NFATC3: variants seen among roughly 807,000 people sequenced by gnomAD.
The protein encoded by NFATC3 is nuclear factor of activated T cells 3, also known as nuclear factor of activated T-cells, cytoplasmic 3.
A neutral mutation model predicts 98.6 loss-of-function variants in NFATC3; 46 were observed. That is an observed-to-expected ratio of 0.47 (90% CI 0.37 to 0.60). The LOEUF (loss-of-function observed/expected upper bound fraction) is 0.60, where lower values mean the gene tolerates loss of function less well. NFATC3 is among the 20% of genes least tolerant of loss of function. The probability of loss-of-function intolerance (pLI) is 0.00; values close to 1 mark genes in which losing one functional copy is unlikely to be tolerated. For missense variants in NFATC3, 1,256 were observed against 1,295.5 expected, an observed-to-expected ratio of 0.97 and a Z score of 0.47; for synonymous variants, 512 against 472.2, an observed-to-expected ratio of 1.08 and a Z score of -1.09.
chr16:68,095,664 C>G (rs1219803597), intron 1 of NFATC3, among the ~76,000 whole-genome samples: 1 of 152,104 alleles, frequency 6.6e-6, no homozygotes, highest in Non-Finnish European at 1.5e-5. Context: ...AGTTGAGGGA[C>G]TTTATAATGT....
At chr16:68,205,218 TG>T (rs897096341) in intron 9 of NFATC3, among the ~76,000 whole-genome samples, 1 of 152,156 alleles carries the variant, frequency 6.6e-6, no homozygotes, top group Non-Finnish European at 1.5e-5. Context: ...TTATGTAGAA[TG>T]GGAATTTTAA....
intron 6 of NFATC3, among the ~76,000 whole-genome samples, chr16:68,177,293 C>T (rs981064360): frequency 2.6e-5 from 4 of 152,040 alleles, no homozygotes; most frequent in Non-Finnish European, 5.9e-5. Flanking sequence ...TCAGGTGATC[C>T]GCCCGTCTTG....
intron 3 of NFATC3, among the ~76,000 whole-genome samples, chr16:68,149,198 G>A (rs779243442): frequency 2.6e-5 from 4 of 151,948 alleles, no homozygotes; most frequent in African/African-American, 9.7e-5. Flanking sequence ...GGGTGGGGGC[G>A]GAAGGGAAGG....
At chr16:68,192,996 C>CCGAA (rs2040509428) in intron 9 of NFATC3, among the ~76,000 whole-genome samples, 1 of 152,120 alleles carries the variant, frequency 6.6e-6, no homozygotes, top group Non-Finnish European at 1.5e-5. Context: ...TGCATGGGTT[C>CCGAA]CACACCTTGG....
In NFATC3 at chr16:68,101,630, C is replaced by T. The variant is rs565153916; in HGVS notation, c.103+15846C>T. Among the ~76,000 whole-genome samples the T allele has an allele frequency of 4.9e-3, 744 of 152,082 alleles. 3 individuals carry two copies. Among genetic ancestry groups the T allele is most frequent in the Non-Finnish European group, 7.8e-3 (531 of 67,990 alleles). On this transcript the variant is annotated intron_variant, in intron 1 of 9. Coordinates refer to ENST00000346183, the MANE Select transcript of NFATC3 (RefSeq NM_173165.3). ...TCCCAAGTAGCTGGGACTACAGGCG[C>T]CTGCCACCACGCCTGGCTAATTTTT...
At chr16:68,143,207 G>A (rs2037848346) in intron 3 of NFATC3, among the ~76,000 whole-genome samples, 1 of 107,348 alleles carries the variant, frequency 9.3e-6, no homozygotes. Flanking sequence ...GCAAGACCAT[G>A]CTAAAAAAAA....
chr16:68,209,848 CAG>C, intron 9 of NFATC3: 1 of 341,816 alleles, frequency 2.9e-6, no homozygotes, highest in South Asian at 2.3e-5. Flanking sequence ...AACACACACA[CAG>C]ACACACACAC....
chr16:68,220,775 C>T (rs1463998085), intron 9 of NFATC3, among the ~76,000 whole-genome samples: 5 of 151,416 alleles, frequency 3.3e-5, no homozygotes, highest in Admixed American at 2.0e-4. Context: ...AAAAAATAGC[C>T]AGGCATTGTG....
chr16:68,111,575 C>T (rs1350408029), intron 1 of NFATC3, among the ~76,000 whole-genome samples: 1 of 152,034 alleles, frequency 6.6e-6, no homozygotes, highest in East Asian at 1.9e-4. Flanking sequence ...TCTTTTTAGC[C>T]AGCTAACCAT....
intron 3 of NFATC3, among the ~76,000 whole-genome samples, chr16:68,154,368 C>A (rs1016342570): frequency 2.0e-5 from 3 of 152,092 alleles, no homozygotes; most frequent in Admixed American, 2.0e-4. Flanking sequence ...TCATCCCTTT[C>A]CATTTCTATT....
At chr16:68,191,803 A>C (rs1309199176) in intron 9 of NFATC3, 28 bp downstream of exon 9, 4 of 1,610,476 alleles carry the variant, frequency 2.5e-6, no homozygotes, top group Non-Finnish European at 3.4e-6. Flanking sequence ...ATGTTCTTGA[A>C]GTAGTGAAGA....
rs146163712 is a variant in NFATC3, at chr16:68,217,733, A to G, written c.3107-8617A>G. 8.0e-4 allele frequency: 987 copies of G among 1,231,654 alleles called. 22 individuals carry two copies. The East Asian group carries it at 0.031, about 38-fold the overall frequency. 76.3% of individuals were successfully genotyped at this position (1,231,654 alleles called of 1,614,324 possible). On this transcript the variant is annotated intron_variant, in intron 9 of 9. Coordinates refer to ENST00000346183, the MANE Select transcript of NFATC3 (RefSeq NM_173165.3). Reference sequence around the variant, plus strand: ...TAGGTTTTGTCAAAGCAGAGAAACCACTTAGTCATGACTGAGTCTTAGCCC... The same window carrying G: ...TAGGTTTTGTCAAAGCAGAGAAACCGCTTAGTCATGACTGAGTCTTAGCCC...
rs189884504 is a variant in NFATC3, at chr16:68,204,540, C to T, written c.3106+12765C>T. Among the ~76,000 whole-genome samples the T allele has an allele frequency of 1.1e-3, 162 of 152,220 alleles. 1 individual carries two copies. Among genetic ancestry groups the T allele is most frequent in the African/African-American group, 3.7e-3 (154 of 41,522 alleles). On this transcript the variant is annotated intron_variant, in intron 9 of 9. Coordinates refer to ENST00000346183, the MANE Select transcript of NFATC3 (RefSeq NM_173165.3). ...TGGCTCAGAGACCTTAAGCACATCC[C>T]AGCGTTATATGGCCACAAATAATTG...
At chr16:68,145,521 T>C (rs551632918) in intron 3 of NFATC3, among the ~76,000 whole-genome samples, 2 of 152,348 alleles carry the variant, frequency 1.3e-5, no homozygotes, top group South Asian at 2.1e-4. Flanking sequence ...CCATACAATG[T>C]ACTACCACTC....
chr16:68,137,575 A>G (rs1050227772), intron 3 of NFATC3, among the ~76,000 whole-genome samples: 10 of 149,690 alleles, frequency 6.7e-5, no homozygotes, highest in Non-Finnish European at 1.3e-4. Context: ...TACTTCTTAC[A>G]CTGTAATTAT....
chr16:68,215,321 T>C (rs1452351049), intron 9 of NFATC3, among the ~76,000 whole-genome samples: 1 of 152,216 alleles, frequency 6.6e-6, no homozygotes, highest in Non-Finnish European at 1.5e-5. Context: ...GCATTGAATG[T>C]ATATAAAACT....
chr16:68,185,849 C>T (rs1339162029), intron 8 of NFATC3, among the ~76,000 whole-genome samples: 13 of 125,336 alleles, frequency 1.0e-4, no homozygotes, highest in Admixed American at 4.1e-4. Flanking sequence ...GGCGACAGAG[C>T]GAGACTCCGT....
Position 68,226,340 on chromosome 16 carries a change from TG to T in NFATC3, c.3107-9del. 6.4e-7 allele frequency: 1 copy of T among 1,572,470 alleles called. No individual in the cohort carries two copies. The highest frequency in any genetic ancestry group is 8.6e-7 in the Non-Finnish European group (1 of 1,163,974). ...GGTCACTAATCACTCTCCCTTTTCT[TG>T]TTTTTCAGTGAACGAGATAATTGGG... On this transcript the variant is annotated splice_polypyrimidine_tract_variant and intron_variant, in intron 9 of 9. Transcript: ENST00000346183.
intron 1 of NFATC3, among the ~76,000 whole-genome samples, chr16:68,088,478 T>C (rs1010923130): frequency 6.8e-6 from 1 of 146,522 alleles, no homozygotes. Flanking sequence ...ATAATATATG[T>C]AGTGTATATA....
Sources: allele counts gnomAD v4.1 joint callset (sites outside exome capture counted in the v4.1 genomes callset), GRCh38; gene constraint gnomAD v4.1.1; transcripts MANE v1.5; gene names NCBI Gene and HGNC (gene_info 2026-07-23, HGNC 2026-07-21).